ANGPTL2: variants seen among roughly 807,000 people sequenced by gnomAD.
The protein encoded by ANGPTL2 is angiopoietin like 2.
Under a neutral mutation model 52.8 loss-of-function variants are expected in ANGPTL2, and 25 were observed. The observed-to-expected ratio is 0.47, with a 90% CI of 0.35 to 0.66. The LOEUF (loss-of-function observed/expected upper bound fraction) is 0.66. Ranked by LOEUF, ANGPTL2 falls within the 30% of genes least tolerant of loss-of-function variation. The pLI is 0.01. For missense variants in ANGPTL2, 546 were observed against 656.9 expected (o/e 0.83, Z 1.84); for synonymous variants, 276 against 277.4 (o/e 1.00, Z 0.05).
intron 2 of ANGPTL2, among the ~76,000 whole-genome samples, chr9:127,107,320 C>T (rs547654154): frequency 5.9e-5 from 9 of 152,208 alleles, no homozygotes; most frequent in East Asian, 1.9e-4. Flanking sequence ...TAACGGTATT[C>T]GGAGAATTGC....
At chr9:127,104,410 A>G (rs1320436287) in intron 2 of ANGPTL2, among the ~76,000 whole-genome samples, 1 of 152,130 alleles carries the variant, frequency 6.6e-6, no homozygotes, top group Admixed American at 6.6e-5. Context: ...CCTCTTAGAG[A>G]ATGACCCCTG....
rs553449495 is a variant in ANGPTL2, at chr9:127,093,328, G to T, written c.1011+405C>A. On this transcript the variant is annotated intron_variant, in intron 3 of 4. Transcript: ENST00000373425. ...TTTTTGGGGGATTCTCCCAGGAACT[G>T]GGAGCCTCTTGGGACTTGCGCCTTC... Among the ~76,000 whole-genome samples, 3 of 152,290 alleles carry T rather than the reference G, an allele frequency of 2.0e-5. No individual in the cohort carries two copies. The South Asian group carries it at 6.2e-4, about 32-fold the overall frequency.
chr9:127,108,361 C>T lies in ANGPTL2; in HGVS notation c.371G>A (p.Arg124His), dbSNP rs1388068338. ...CGAGTTCATGTTGCGGCTCTCCTTG[C>T]GCAGCAGCTTCACCTCGCTCACAAT... ...GGIVSEVKLL[R>H]KESRNMNSRV... The change falls in exon 2 of 5, where the codon CGC (arginine) becomes CAC (histidine). Residue 124 changes from arginine to histidine, a missense_variant. Physicochemically the swap from Arg to His is conservative, Grantham distance 29. Coordinates refer to ENST00000373425, the MANE Select transcript of ANGPTL2 (RefSeq NM_012098.3). 7 of 1,611,274 alleles carry T rather than the reference C, an allele frequency of 4.3e-6. No homozygotes were observed. The highest frequency in any genetic ancestry group is 5.9e-6 in the Non-Finnish European group (7 of 1,178,658).
At chr9:127,098,468 A>T (rs934350971) in intron 2 of ANGPTL2, among the ~76,000 whole-genome samples, 2 of 152,192 alleles carry the variant, frequency 1.3e-5, no homozygotes, top group Non-Finnish European at 2.9e-5. Context: ...GTGAAGAGAA[A>T]TGCAGCCCCG....
chr9:127,121,318 G>A (rs2056060793), intron 1 of ANGPTL2, among the ~76,000 whole-genome samples: 1 of 152,230 alleles, frequency 6.6e-6, no homozygotes, highest in Non-Finnish European at 1.5e-5. Flanking sequence ...TGGCTAGTAG[G>A]TAGAAGAGCT....
At chr9:127,121,860 G>C (rs1046003376) in intron 1 of ANGPTL2, among the ~76,000 whole-genome samples, 1 of 152,200 alleles carries the variant, frequency 6.6e-6, no homozygotes, top group Non-Finnish European at 1.5e-5. Flanking sequence ...CACAGCGCTT[G>C]CCTTTGCCTC....
chr9:127,097,622 G>A (rs1314366849), intron 2 of ANGPTL2, among the ~76,000 whole-genome samples: 1 of 152,236 alleles, frequency 6.6e-6, no homozygotes, highest in South Asian at 2.1e-4. Context: ...GTAAAATTAT[G>A]TGGCTCCTTT....
Position 127,107,925 on chromosome 9 carries a change from G to A in ANGPTL2, c.807C>T (p.Asp269=), listed in dbSNP as rs540819874. The change falls in exon 2 of 5, where the codon GAC becomes GAT. Residue 269 remains aspartate, a synonymous_variant. Transcript: ENST00000373425. The stretch of plus-strand genomic sequence containing the variant: ...CCCAGAAGCACTTACCCGACGGCTT[G>A]TCGGTGGAAGATGGGAGGCTGGTGA... ...PTLTSLPSST[D]KPSGPWRDCL... is the part of the protein sequence containing the mutation. The A allele has an allele frequency of 5.2e-6, 8 of 1,532,094 alleles. No individual in the cohort carries two copies. In the Admixed American group the frequency reaches 9.9e-5, roughly 19 times the overall value. 94.9% of individuals were successfully genotyped at this position (1,532,094 alleles called of 1,614,324 possible). A position where few individuals can be genotyped will look rare whatever the true frequency, so the allele number is the denominator to read the frequency against.
At chr9:127,105,469 T>C (rs2054132269) in intron 2 of ANGPTL2, among the ~76,000 whole-genome samples, 1 of 152,178 alleles carries the variant, frequency 6.6e-6, no homozygotes, top group Non-Finnish European at 1.5e-5. Context: ...CACTAGTCAC[T>C]TGGGTTCCCA....
intron 1 of ANGPTL2, among the ~76,000 whole-genome samples, chr9:127,113,417 G>A (rs1290801885): frequency 2.0e-5 from 3 of 151,376 alleles, no homozygotes; most frequent in Non-Finnish European, 2.9e-5. Flanking sequence ...CCAGTTTGGC[G>A]GCTCTTAATG....
At position 127,091,300 on chromosome 9, in the gene ANGPTL2, C is replaced by T. The variant is rs1303379294; in HGVS notation, c.1282+370G>A. On this transcript the variant is annotated intron_variant, in intron 4 of 4. Transcript: ENST00000373425. The surrounding 1 kb of genome is among the most constrained non-coding windows in gnomAD (Gnocchi z 4.3). ...AGCACTGGAGCCCAGGTGTGTGGCC[C>T]AGAGCCTACGCAGTTGGTTAGCTCT... 6.6e-6 allele frequency among the ~76,000 whole-genome samples: 1 copy of T among 152,212 alleles called. No homozygotes were observed. The highest frequency in any genetic ancestry group is 1.5e-5 in the Non-Finnish European group (1 of 68,038).
At chr9:127,099,825 C>G (rs375275108) in intron 2 of ANGPTL2, among the ~76,000 whole-genome samples, 1 of 152,376 alleles carries the variant, frequency 6.6e-6, no homozygotes, top group African/African-American at 2.4e-5. Context: ...CATGTCATTT[C>G]TGATCATTCC....
At chr9:127,115,837 C>T (rs1289409584) in intron 1 of ANGPTL2, among the ~76,000 whole-genome samples, 1 of 152,248 alleles carries the variant, frequency 6.6e-6, no homozygotes, top group Non-Finnish European at 1.5e-5. Context: ...CAGTGACACC[C>T]TCACCTTGGA....
At chr9:127,093,631 A>G in intron 3 of ANGPTL2, 102 bp downstream of exon 3, 2 of 1,405,844 alleles carry the variant, frequency 1.4e-6, no homozygotes, top group Non-Finnish European at 2.0e-6. Flanking sequence ...GGGCTTGGTC[A>G]GCATGTACCT....
At position 127,088,860 on chromosome 9, in the gene ANGPTL2, GTTGTTCT is replaced by G; in HGVS notation, c.*72_*78del. 3.2e-6 allele frequency: 5 copies of G among 1,541,170 alleles called. No homozygotes were observed. ...CAGCCTCAGGATGAACTGGTGAGGAGTTGTTCTTTGTGCTGTGGCCAGCGTGACCAGG... is the reference window on the plus strand; with the variant it reads ...CAGCCTCAGGATGAACTGGTGAGGAGTTGTGCTGTGGCCAGCGTGACCAGG... On this transcript the variant is annotated 3_prime_UTR_variant, in exon 5 of 5. Coordinates refer to ENST00000373425, the MANE Select transcript of ANGPTL2 (RefSeq NM_012098.3).
chr9:127,108,881 C>A, intron 1 of ANGPTL2, 101 bp from the exon 2 acceptor site: 1 of 848,684 alleles, frequency 1.2e-6, no homozygotes, highest in Non-Finnish European at 1.8e-6. Context: ...CAGAGCTTTC[C>A]AAAAACTCTG....
At chr9:127,106,269 C>T (rs2054206349) in intron 2 of ANGPTL2, among the ~76,000 whole-genome samples, 1 of 152,138 alleles carries the variant, frequency 6.6e-6, no homozygotes, top group South Asian at 2.1e-4. Flanking sequence ...ACGTTTTACC[C>T]TCTCGGTATT....
chr9:127,113,516 C>T (rs567908084), intron 1 of ANGPTL2, among the ~76,000 whole-genome samples: 66 of 151,388 alleles, frequency 4.4e-4, no homozygotes, highest in African/African-American at 1.4e-3. Context: ...ACCCCCACCC[C>T]GGCATTCCAG....
chr9:127,090,818 G>T (rs1183062407), intron 4 of ANGPTL2, among the ~76,000 whole-genome samples: 1 of 152,220 alleles, frequency 6.6e-6, no homozygotes, highest in Non-Finnish European at 1.5e-5. Context: ...AGACTGAGAG[G>T]CCTTCATCTC....
Sources: gnomAD v4.1 joint callset for allele counts (sites outside exome capture counted in the v4.1 genomes callset) on GRCh38, gnomAD v4.1.1 for gene constraint, Gnocchi (gnomAD v3.1) non-coding constraint, MANE v1.5 for transcripts, NCBI Gene and HGNC (gene_info 2026-07-23, HGNC 2026-07-21) for gene names.